The following MED27 variants were observed in gnomAD, a reference collection of about 807,000 sequenced individuals.
MED27 encodes mediator of RNA polymerase II transcription subunit 27.
A neutral mutation model predicts 38.2 loss-of-function variants in MED27; 30 were observed. The observed-to-expected ratio is 0.79, with a 90% confidence interval of 0.59 to 1.07. MED27 has a LOEUF of 1.07. Ranked by LOEUF, MED27 falls within the 50% of genes least tolerant of loss-of-function variation. The pLI, the probability that MED27 is intolerant of heterozygous loss-of-function variation, is 0.00. For synonymous variants in MED27, 122 were observed against 153.5 expected (o/e 0.79, Z 1.52); for missense variants, 289 against 397.5 (o/e 0.73, Z 2.32).
chr9:132,031,886 T>C (rs990766529), intron 2 of MED27: 7 of 152,210 alleles, frequency 4.6e-5, no homozygotes, highest in Admixed American at 1.3e-4. Flanking sequence ...TGACTATTAG[T>C]TTACTATAGT....
chr9:132,040,779 G>A (rs1029676856), intron 2 of MED27, among the ~76,000 whole-genome samples: 3 of 152,196 alleles, frequency 2.0e-5, no homozygotes, highest in African/African-American at 7.2e-5. Context: ...TCAAGCACCA[G>A]CACACACGGC....
chr9:131,971,349 T>C (rs926202018), intron 3 of MED27, among the ~76,000 whole-genome samples: 1 of 152,080 alleles, frequency 6.6e-6, no homozygotes, highest in Non-Finnish European at 1.5e-5. Context: ...CGAAGAAGCT[T>C]AGCAAGGACA....
chr9:132,023,452 T>C (rs1832757625), intron 2 of MED27, among the ~76,000 whole-genome samples: 1 of 152,248 alleles, frequency 6.6e-6, no homozygotes, highest in African/African-American at 2.4e-5. Flanking sequence ...TGAGTTTCTA[T>C]GCGCCTCCTA....
chr9:131,893,390 G>A (rs759961239), intron 5 of MED27, among the ~76,000 whole-genome samples: 14 of 152,294 alleles, frequency 9.2e-5, no homozygotes, highest in Middle Eastern at 3.4e-3. Context: ...CAAGTCACCC[G>A]TGGAAATAAC....
At chr9:132,041,412 A>G (rs1331507588) in intron 2 of MED27, among the ~76,000 whole-genome samples, 1 of 152,250 alleles carries the variant, frequency 6.6e-6, no homozygotes, top group African/African-American at 2.4e-5. Flanking sequence ...GTAGACACCA[A>G]GCTTTGGGAA....
chr9:131,887,348 G>C (rs541577455), intron 5 of MED27, among the ~76,000 whole-genome samples: 3 of 152,072 alleles, frequency 2.0e-5, no homozygotes, highest in Non-Finnish European at 4.4e-5. Flanking sequence ...AGGACCCTAG[G>C]GAAAAGCTCC....
chr9:131,878,143 G>A lies in MED27; in HGVS notation c.723+5915C>T, dbSNP rs142806663. 4.7e-3 allele frequency among the ~76,000 whole-genome samples: 718 copies of A among 152,052 alleles called. 10 individuals carry two copies. The highest frequency in any genetic ancestry group is 0.016 in the African/African-American group (673 of 41,468). ...ACAAAAATTAGCTGGGTATGGTAGC[G>A]CATGCCTGTAATCCCAACTACTTAG... On this transcript the variant is annotated intron_variant, in intron 6 of 7. Coordinates refer to ENST00000292035, the MANE Select transcript of MED27 (RefSeq NM_004269.4).
rs1833474748 is a variant in MED27 at position 132,051,987 on chromosome 9, G to A, written c.348+25455C>T. On this transcript the variant is annotated intron_variant, in intron 2 of 7. Transcript: ENST00000292035. This position sits in a 1 kb window ranked among gnomAD's most constrained non-coding sequence, Gnocchi z 4.2. ...AAAACAACTGTGTTCCAGGAAAAAG[G>A]GCAACAGGAGAAAATAACATGGCTC... Among the ~76,000 whole-genome samples, 1 of 152,180 alleles carries A rather than the reference G, an allele frequency of 6.6e-6. No homozygotes were observed.
intron 2 of MED27, among the ~76,000 whole-genome samples, chr9:132,074,528 C>T (rs1425585570): frequency 6.6e-6 from 1 of 152,186 alleles, no homozygotes; most frequent in Non-Finnish European, 1.5e-5. Context: ...AACGCACTTA[C>T]TGGTTTAAAC....
chr9:132,030,940 A>T (rs1171173588), intron 2 of MED27, among the ~76,000 whole-genome samples: 1 of 152,272 alleles, frequency 6.6e-6, no homozygotes, highest in East Asian at 1.9e-4. Context: ...GAACAGCACT[A>T]CCTTTGCAGA....
chr9:131,885,949 C>A (rs1004101314), intron 5 of MED27, among the ~76,000 whole-genome samples: 8 of 152,122 alleles, frequency 5.3e-5, no homozygotes, highest in Admixed American at 5.2e-4. Flanking sequence ...GGTTGGCCAG[C>A]GGTCAGGTAG....
In MED27 at chr9:131,860,527, C is replaced by T. The variant is rs1838633992; in HGVS notation, c.*11G>A. 2 of 1,507,884 alleles carry T rather than the reference C, an allele frequency of 1.3e-6. No homozygotes were observed. Among genetic ancestry groups the T allele is most frequent in the East Asian group, 2.5e-5 (1 of 40,582 alleles). 93.4% of individuals were successfully genotyped at this position (1,507,884 alleles called of 1,614,324 possible). ...GCTGGGTGGGGTCTGAGGCTGGGGC[C>T]AGCGTGGGGGCTACTGCCGGCAGGT... is the stretch of plus-strand genomic sequence containing the variant. On this transcript the variant is annotated 3_prime_UTR_variant, in exon 8 of 8. Coordinates refer to ENST00000292035, the MANE Select transcript of MED27 (RefSeq NM_004269.4). The surrounding 1 kb of genome is among the most constrained non-coding windows in gnomAD (Gnocchi z 5.8).
At chr9:132,059,388 G>C (rs1470185036) in intron 2 of MED27, among the ~76,000 whole-genome samples, 1 of 152,212 alleles carries the variant, frequency 6.6e-6, no homozygotes. Flanking sequence ...ATCCTCTCAG[G>C]TTGACACAAG....
chr9:132,042,676 G>A (rs1833245332), intron 2 of MED27, among the ~76,000 whole-genome samples: 1 of 152,188 alleles, frequency 6.6e-6, no homozygotes, highest in Admixed American at 6.5e-5. Context: ...CACCACCATT[G>A]CAAGTTAGAT....
At position 131,939,450 on chromosome 9, in the gene MED27, G is replaced by A. The variant is rs775418267; in HGVS notation, c.504C>T (p.Arg168=). Residue 168 remains arginine (R), a synonymous_variant, in exon 4 of 8, where the codon CGC becomes CGT. Coordinates refer to ENST00000292035, the MANE Select transcript of MED27 (RefSeq NM_004269.4). ...ACATTTCAGGAAACATCCTGTCAAT[G>A]CGGCTGATCACATCATCAACATATC... is the stretch of plus-strand genomic sequence containing the variant. ...PPQYVDDVIS[R]IDRMFPEMSI... is the part of the protein sequence containing the mutation. 15 of 1,610,584 alleles carry A rather than the reference G, an allele frequency of 9.3e-6. No homozygotes were observed. Among genetic ancestry groups the A allele is most frequent in the Non-Finnish European group, 1.3e-5 (15 of 1,178,610 alleles).
rs147495655 is a variant in MED27, at chr9:132,060,464, A to G, written c.348+16978T>C. 1.6e-3 allele frequency among the ~76,000 whole-genome samples: 238 copies of G among 152,302 alleles called. 1 individual carries two copies. The highest frequency in any genetic ancestry group is 5.6e-3 in the African/African-American group (232 of 41,568). On this transcript the variant is annotated intron_variant, in intron 2 of 7. Coordinates refer to ENST00000292035, the MANE Select transcript of MED27 (RefSeq NM_004269.4). ...TCATCAGTTGGACAAATGTGCAGAGAGACGGCAAAATTTACTACTCCCCCT... is the reference window on the plus strand; with the variant it reads ...TCATCAGTTGGACAAATGTGCAGAGGGACGGCAAAATTTACTACTCCCCCT...
At chr9:132,048,365 C>G (rs1833386723) in intron 2 of MED27, among the ~76,000 whole-genome samples, 1 of 152,172 alleles carries the variant, frequency 6.6e-6, no homozygotes, top group Admixed American at 6.5e-5. Flanking sequence ...AACATTCCTA[C>G]AGCTGATAGT....
chr9:132,031,876 T>G (rs7026534), intron 2 of MED27: 94,494 of 152,042 alleles, frequency 0.62, 30,402 homozygotes, highest in Non-Finnish European at 0.7. Flanking sequence ...TATCACCTGG[T>G]GACTATTAGT....
At chr9:132,034,727 A>T (rs1833037356) in intron 2 of MED27, among the ~76,000 whole-genome samples, 1 of 152,150 alleles carries the variant, frequency 6.6e-6, no homozygotes, top group African/African-American at 2.4e-5. Context: ...GCACCAGACT[A>T]TGCACTGACT....
Sources: allele counts gnomAD v4.1 joint callset (sites outside exome capture counted in the v4.1 genomes callset), GRCh38; gene constraint gnomAD v4.1.1; non-coding constraint Gnocchi (gnomAD v3.1); transcripts MANE v1.5; gene names NCBI Gene and HGNC (gene_info 2026-07-23, HGNC 2026-07-21).